The following OLFML1 variants were observed in gnomAD, a reference collection of about 807,000 sequenced individuals.
OLFML1 encodes the protein olfactomedin-like protein 1.
In OLFML1, 33 loss-of-function variants were observed where a neutral mutation model predicts 37.3. That is an observed-to-expected ratio of 0.88 (90% CI 0.67 to 1.18). OLFML1 has a LOEUF of 1.18. OLFML1 is among the 50% of genes most tolerant of loss of function. OLFML1 has a pLI of 0.00. For missense variants in OLFML1, 545 were observed against 483.7 expected (o/e 1.13, Z -1.19); for synonymous variants, 186 against 181.3 (o/e 1.03, Z -0.21).
intron 2 of OLFML1, among the ~76,000 whole-genome samples, chr11:7,506,853 G>A (rs1848792082): frequency 6.6e-6 from 1 of 152,182 alleles, no homozygotes; most frequent in African/African-American, 2.4e-5. Context: ...GGAGAAAGTA[G>A]AGGCCAAGGG....
chr11:7,496,123 G>A (rs758548966), intron 2 of OLFML1, among the ~76,000 whole-genome samples: 1 of 152,248 alleles, frequency 6.6e-6, no homozygotes, highest in Non-Finnish European at 1.5e-5. Flanking sequence ...ACAGCTGGGT[G>A]AGGATGACTT....
At position 7,510,014 on chromosome 11, in the gene OLFML1, T is replaced by C. The variant is rs1848840284; in HGVS notation, c.1035T>C (p.Tyr345=). ...GQGPHRITCI[Y]DPLGTISEED... ...GCCCTCATCGCATCACCTGCATCTA[T>C]GATCCACTGGGCACTATCAGTGAGG... The change falls in exon 3 of 3, where the codon TAT becomes TAC. Residue 345 remains tyrosine, a synonymous_variant. Transcript: ENST00000329293. The C allele has an allele frequency of 1.9e-6, 3 of 1,614,248 alleles. No homozygotes were observed. The highest frequency in any genetic ancestry group is 2.2e-5 in the East Asian group (1 of 44,888).
rs972206596 is a variant in OLFML1 at position 7,485,639 on chromosome 11, C to T, written c.-237C>T. 6.2e-6 allele frequency: 3 copies of T among 486,002 alleles called. No individual in the cohort carries two copies. Among genetic ancestry groups the T allele is most frequent in the Non-Finnish European group, 1.1e-5 (3 of 270,896 alleles). 30.1% of individuals were successfully genotyped at this position (486,002 alleles called of 1,614,324 possible). On this transcript the variant is annotated 5_prime_UTR_variant, in exon 1 of 3. Transcript: ENST00000329293. Reference sequence around the variant, plus strand: ...ACCCAGGGAGCTCTCTGCCACAGGTCAGTCTACAAGGCCTCAGGGACCAAC... The same window carrying T: ...ACCCAGGGAGCTCTCTGCCACAGGTTAGTCTACAAGGCCTCAGGGACCAAC...
intron 2 of OLFML1, among the ~76,000 whole-genome samples, chr11:7,503,981 T>G (rs144045291): frequency 6.6e-6 from 1 of 152,330 alleles, no homozygotes; most frequent in Admixed American, 6.5e-5. Context: ...ATGGAGTTTA[T>G]ATTTTATTGA....
chr11:7,485,982 A>G lies in OLFML1; in HGVS notation c.107A>G (p.Tyr36Cys). 1 of 1,613,942 alleles carries G rather than the reference A, an allele frequency of 6.2e-7. No homozygotes were observed. Among genetic ancestry groups the G allele is most frequent in the Non-Finnish European group, 8.5e-7 (1 of 1,179,926 alleles). ...TQDPAMVHYIYQRFRVLEQGL... is the reference protein window; with the variant it reads ...TQDPAMVHYICQRFRVLEQGL... ...GACCCAGCCATGGTGCATTACATCT[A>G]CCAGCGCTTTCGAGTCTTGGAGGTA... Residue 36 changes from tyrosine (Y) to cysteine (C), a missense_variant, in exon 1 of 3, where the codon TAC (tyrosine) becomes TGC (cysteine). Coordinates refer to ENST00000329293, the MANE Select transcript of OLFML1 (RefSeq NM_198474.4).
chr11:7,501,677 G>A (rs75868536), intron 2 of OLFML1, among the ~76,000 whole-genome samples: 6 of 152,190 alleles, frequency 3.9e-5, no homozygotes, highest in Admixed American at 3.9e-4. Flanking sequence ...GAAAACCTTG[G>A]GTCAGATTTT....
rs988026539 is a variant in OLFML1, at chr11:7,510,603, T to G, written c.*415T>G. On this transcript the variant is annotated 3_prime_UTR_variant, in exon 3 of 3. Transcript: ENST00000329293. ...GGCCTTTGCTGAAGCTCTTCCCTCT[T>G]TTTCAAATGTCTATTGATATTCTCC... The G allele has an allele frequency of 6.3e-6, 1 of 159,776 alleles. No individual in the cohort carries two copies. Among genetic ancestry groups the G allele is most frequent in the Non-Finnish European group, 1.4e-5 (1 of 73,052 alleles). 9.9% of individuals were successfully genotyped at this position (159,776 alleles called of 1,614,324 possible).
intron 2 of OLFML1, among the ~76,000 whole-genome samples, chr11:7,498,083 A>G (rs1251436626): frequency 6.6e-6 from 1 of 152,246 alleles, no homozygotes; most frequent in East Asian, 1.9e-4. Flanking sequence ...TTGGAGAGTA[A>G]GCAGTAAGTT....
rs1357533526 is a variant in OLFML1 at position 7,509,617 on chromosome 11, G to A, written c.638G>A (p.Trp213Ter). 3 of 1,614,108 alleles carry A rather than the reference G, an allele frequency of 1.9e-6. No individual in the cohort carries two copies. In the South Asian group the frequency reaches 3.3e-5, roughly 18 times the overall value. ...APRKQILTLS[W>*]QGTGQVIYKG... ...CGGAAGCAAATCCTAACACTTTCCT[G>A]GCAGGGAACAGGCCAAGTGATCTAC... is the stretch of plus-strand genomic sequence containing the variant. The change falls in exon 3 of 3, where the codon TGG (tryptophan) becomes TAG (stop). Residue 213 changes from tryptophan (W) to a stop codon, truncating the protein, a stop_gained. Coordinates refer to ENST00000329293, the MANE Select transcript of OLFML1 (RefSeq NM_198474.4). LOFTEE classifies it high-confidence loss of function.
chr11:7,496,912 G>T (rs943853440), intron 2 of OLFML1, among the ~76,000 whole-genome samples: 15 of 152,120 alleles, frequency 9.9e-5, no homozygotes, highest in African/African-American at 3.6e-4. Context: ...AAAATTATCT[G>T]GGCATGGTGG....
chr11:7,509,671 C>A lies in OLFML1; in HGVS notation c.692C>A (p.Ala231Glu). Residue 231 changes from alanine to glutamate, a missense_variant, in exon 3 of 3, where the codon GCA (alanine) becomes GAA (glutamate). Transcript: ENST00000329293. ...GGTTTTCTATTTTTTCATAACCAAG[C>A]AACTTCTAATGAGATAATCAAATAT... ...YKGFLFFHNQATSNEIIKYNL... is the reference protein window; with the variant it reads ...YKGFLFFHNQETSNEIIKYNL... 6.2e-7 allele frequency: 1 copy of A among 1,614,210 alleles called. No individual in the cohort carries two copies. Among genetic ancestry groups the A allele is most frequent in the African/African-American group, 1.3e-5 (1 of 75,062 alleles).
At chr11:7,488,449 G>C (rs1197823638) in intron 2 of OLFML1, 34 bp downstream of exon 2, 2 of 1,550,918 alleles carry the variant, frequency 1.3e-6, no homozygotes, top group South Asian at 1.2e-5. Flanking sequence ...AGCCCTTCTA[G>C]GGACTATTAT....
intron 2 of OLFML1, among the ~76,000 whole-genome samples, chr11:7,506,606 C>T (rs754036233): frequency 1.1e-4 from 16 of 152,092 alleles, no homozygotes; most frequent in Non-Finnish European, 1.8e-4. Context: ...CAGCTGACAT[C>T]GGAGACCCCT....
rs1590055475 is a variant in OLFML1, at chr11:7,485,917, G to C, written c.42G>C (p.Leu14=). ...ALRGASALLV[L]FLAAFLPPPQ... Reference sequence around the variant, plus strand: ...GAGGAGCTTCTGCATTGCTGGTTCTGTTCCTTGCAGCTTTTCTGCCCCCGC... The same window carrying C: ...GAGGAGCTTCTGCATTGCTGGTTCTCTTCCTTGCAGCTTTTCTGCCCCCGC... Residue 14 remains leucine, a synonymous_variant, in exon 1 of 3, where the codon CTG becomes CTC. Coordinates refer to ENST00000329293, the MANE Select transcript of OLFML1 (RefSeq NM_198474.4). The C allele has an allele frequency of 6.2e-7, 1 of 1,613,896 alleles. No homozygotes were observed. The highest frequency in any genetic ancestry group is 8.5e-7 in the Non-Finnish European group (1 of 1,179,928).
intron 2 of OLFML1, among the ~76,000 whole-genome samples, chr11:7,506,010 T>A (rs1189775487): frequency 6.6e-6 from 1 of 152,182 alleles, no homozygotes; most frequent in Non-Finnish European, 1.5e-5. Context: ...AGTTATAAGG[T>A]TCCTGGTAAC....
rs150087152 is a variant in OLFML1, at chr11:7,501,074, TA to T, written c.419-8320del. 6.7e-3 allele frequency among the ~76,000 whole-genome samples: 1,021 copies of T among 152,206 alleles called. 11 individuals are homozygous for T. Among genetic ancestry groups the T allele is most frequent in the Middle Eastern group, 0.041 (12 of 294 alleles). On this transcript the variant is annotated intron_variant, in intron 2 of 2. Coordinates refer to ENST00000329293, the MANE Select transcript of OLFML1 (RefSeq NM_198474.4). Reference sequence around the variant, plus strand: ...CCAATGGACCTTCCCTCTTACCCCATAAAAGTCCTCTATGGTCACTCACAGG... The same window carrying T: ...CCAATGGACCTTCCCTCTTACCCCATAAAGTCCTCTATGGTCACTCACAGG...
intron 2 of OLFML1, among the ~76,000 whole-genome samples, chr11:7,492,425 A>G (rs953739143): frequency 1.3e-5 from 2 of 152,244 alleles, no homozygotes; most frequent in Non-Finnish European, 1.5e-5. Context: ...AAACCCCTAC[A>G]GAATAGATGA....
chr11:7,504,937 T>TTC (rs910527990), intron 2 of OLFML1: 1 of 151,248 alleles, frequency 6.6e-6, no homozygotes, highest in African/African-American at 2.4e-5. Context: ...AGCATTTTTT[T>TTC]TTTTTTTTTA....
Position 7,485,846 on chromosome 11 carries a change from A to G in OLFML1, c.-30A>G. 6.2e-7 allele frequency: 1 copy of G among 1,609,658 alleles called. No individual in the cohort carries two copies. The highest frequency in any genetic ancestry group is 8.5e-7 in the Non-Finnish European group (1 of 1,178,212). On this transcript the variant is annotated 5_prime_UTR_variant, in exon 1 of 3. It adds an upstream start codon to the 5' untranslated region. Transcript: ENST00000329293. ...ACATCCTTGAGAAGAGCCACAGCATAAGAGACTGCCCTGCTTGGTGTTTTG... is the reference window on the plus strand; with the variant it reads ...ACATCCTTGAGAAGAGCCACAGCATGAGAGACTGCCCTGCTTGGTGTTTTG...
Sources: allele counts gnomAD v4.1 joint callset (sites outside exome capture counted in the v4.1 genomes callset), GRCh38; gene constraint gnomAD v4.1.1; transcripts MANE v1.5; gene names NCBI Gene and HGNC (gene_info 2026-07-23, HGNC 2026-07-21).